Variants in AGBL1 observed in about 807,000 individuals in gnomAD.
AGBL1 encodes cytosolic carboxypeptidase 4.
AGBL1 carries 130 observed loss-of-function variants against 118.9 expected under a neutral mutation model. That is an observed-to-expected ratio of 1.09 (90% CI 0.95 to 1.26). AGBL1 has a LOEUF of 1.26. Ranked by LOEUF, AGBL1 falls within the 50% of genes most tolerant of loss-of-function variation. AGBL1 has a pLI of 0.00. For synonymous variants in AGBL1, 555 were observed against 478.9 expected, an observed-to-expected ratio of 1.16 and a Z score of -2.08; for missense variants, 1,584 against 1,298.1, an observed-to-expected ratio of 1.22 and a Z score of -3.38.
At chr15:86,155,704 T>G (rs1247952521) in intron 4 of AGBL1, among the ~76,000 whole-genome samples, 2 of 152,118 alleles carry the variant, frequency 1.3e-5, no homozygotes, top group African/African-American at 4.8e-5. Flanking sequence ...GAACGTGGGC[T>G]TAGAGCCAAA....
intron 22 of AGBL1, among the ~76,000 whole-genome samples, chr15:86,826,760 G>A (rs923113201): frequency 1.3e-5 from 2 of 152,164 alleles, no homozygotes; most frequent in South Asian, 2.1e-4. Flanking sequence ...GTTCAGTGGT[G>A]GGTGTCCTCT....
At chr15:86,222,981 G>C (rs1291625358) in intron 5 of AGBL1, among the ~76,000 whole-genome samples, 1 of 152,156 alleles carries the variant, frequency 6.6e-6, no homozygotes, top group East Asian at 1.9e-4. Context: ...CAGGGATGTG[G>C]TTTGAGATTC....
intron 19 of AGBL1, among the ~76,000 whole-genome samples, chr15:86,537,841 AG>A (rs1444917156): frequency 6.6e-6 from 1 of 152,198 alleles, no homozygotes; most frequent in African/African-American, 2.4e-5. Context: ...CTGATTATAG[AG>A]GAGTGTAAAA....
At chr15:86,227,887 T>A (rs2078392439) in intron 6 of AGBL1, among the ~76,000 whole-genome samples, 1 of 152,166 alleles carries the variant, frequency 6.6e-6, no homozygotes, top group Non-Finnish European at 1.5e-5. Context: ...GCAAATAGAT[T>A]TAATAATGAG....
rs144635330 is a variant in AGBL1 at position 86,806,248 on chromosome 15, T to C, written c.3159-100839T>C. The stretch of plus-strand genomic sequence containing the variant: ...ATACTATAGATCAATGGGGTCAAGA[T>C]GGAAACTGGAATGATCTCCACCACT... On this transcript the variant is annotated intron_variant, in intron 22 of 22. Transcript: ENST00000614907. 9.8e-3 allele frequency among the ~76,000 whole-genome samples: 1,485 copies of C among 152,150 alleles called. 23 individuals carry two copies. The highest frequency in any genetic ancestry group is 0.061 in the Middle Eastern group (18 of 294).
At chr15:86,703,790 A>G (rs1011812306) in intron 22 of AGBL1, among the ~76,000 whole-genome samples, 1 of 152,112 alleles carries the variant, frequency 6.6e-6, no homozygotes, top group African/African-American at 2.4e-5. Context: ...ACCTTCCACC[A>G]TGATTGTGAG....
chr15:86,177,197 G>C (rs2077493093), intron 5 of AGBL1, among the ~76,000 whole-genome samples: 1 of 152,126 alleles, frequency 6.6e-6, no homozygotes, highest in South Asian at 2.1e-4. Context: ...CATATTGCCA[G>C]GTATAAAAAG....
chr15:86,869,936 C>T (rs1480299209), intron 22 of AGBL1, among the ~76,000 whole-genome samples: 1 of 152,148 alleles, frequency 6.6e-6, no homozygotes, highest in African/African-American at 2.4e-5. Context: ...CTTACCTGGA[C>T]TTATGTCCAG....
intron 17 of AGBL1, among the ~76,000 whole-genome samples, chr15:86,307,844 G>T (rs561244052): frequency 3.1e-4 from 47 of 151,972 alleles, no homozygotes; most frequent in Non-Finnish European, 6.2e-4. Context: ...TAATAAAATG[G>T]ACATCTATGT....
At chr15:86,376,882 G>T (rs1025691702) in intron 17 of AGBL1, among the ~76,000 whole-genome samples, 1 of 152,240 alleles carries the variant, frequency 6.6e-6, no homozygotes. Context: ...TTTGGGTAAA[G>T]TTGATGCTTC....
intron 18 of AGBL1, among the ~76,000 whole-genome samples, chr15:86,459,794 C>A (rs1278277260): frequency 2.0e-5 from 3 of 152,080 alleles, no homozygotes; most frequent in African/African-American, 7.2e-5. Flanking sequence ...CGCATTCTGC[C>A]CTTTGAAATC....
At chr15:86,423,446 A>G (rs2081820285) in intron 18 of AGBL1, among the ~76,000 whole-genome samples, 1 of 152,218 alleles carries the variant, frequency 6.6e-6, no homozygotes, top group South Asian at 2.1e-4. Flanking sequence ...GAATAGCAAA[A>G]GCTGGAAGCA....
chr15:86,548,914 G>A (rs374066458), intron 20 of AGBL1, among the ~76,000 whole-genome samples: 158 of 152,140 alleles, frequency 1.0e-3, no homozygotes, highest in African/African-American at 3.5e-3. Context: ...GCTTCCAATC[G>A]TGGTAGAAGG....
At chr15:86,116,795 G>C in intron 1 of AGBL1, 1 of 152,152 alleles carries the variant, frequency 6.6e-6, no homozygotes, top group East Asian at 1.9e-4. Context: ...CTAGGTTGCA[G>C]ATGACAGGTC....
chr15:86,577,614 T>C (rs1166275638), intron 21 of AGBL1, among the ~76,000 whole-genome samples: 1 of 152,162 alleles, frequency 6.6e-6, no homozygotes, highest in Non-Finnish European at 1.5e-5. Context: ...CTCCTGTCAT[T>C]GGCCTGGAGA....
At chr15:86,605,907 G>A (rs1035211112) in intron 21 of AGBL1, among the ~76,000 whole-genome samples, 8 of 151,854 alleles carry the variant, frequency 5.3e-5, no homozygotes, top group Non-Finnish European at 1.2e-4. Flanking sequence ...AAGGTGGATC[G>A]CCTGAGGTCA....
chr15:86,822,410 A>G (rs1015863075), intron 22 of AGBL1, among the ~76,000 whole-genome samples: 2 of 152,156 alleles, frequency 1.3e-5, no homozygotes, highest in African/African-American at 4.8e-5. Flanking sequence ...GGCTAAGACA[A>G]TGGCACCAGA....
intron 18 of AGBL1, among the ~76,000 whole-genome samples, chr15:86,442,134 G>A (rs2082071522): frequency 6.6e-6 from 1 of 152,220 alleles, no homozygotes; most frequent in Admixed American, 6.5e-5. Context: ...GCTGTGCCTT[G>A]TCACTGGGTA....
chr15:86,737,129 G>C (rs917493883), intron 22 of AGBL1, among the ~76,000 whole-genome samples: 11 of 152,166 alleles, frequency 7.2e-5, no homozygotes, highest in East Asian at 5.8e-4. Flanking sequence ...AAAACATACA[G>C]AATATTATTG....
Sources: allele counts gnomAD v4.1 joint callset (sites outside exome capture counted in the v4.1 genomes callset), GRCh38; gene constraint gnomAD v4.1.1; transcripts MANE v1.5; gene names NCBI Gene and HGNC (gene_info 2026-07-23, HGNC 2026-07-21).